The following SLC26A4 variants were observed in gnomAD, a reference collection of about 807,000 sequenced individuals.
SLC26A4 encodes pendrin.
In SLC26A4, 93 loss-of-function variants were observed where a neutral mutation model predicts 90.4. The observed-to-expected ratio is 1.03, with a 90% CI of 0.87 to 1.22. The LOEUF (loss-of-function observed/expected upper bound fraction) is 1.22. Ranked by LOEUF, SLC26A4 falls within the 50% of genes most tolerant of loss-of-function variation. SLC26A4 has a pLI of 0.00. For synonymous variants in SLC26A4, 393 were observed against 354.6 expected, an observed-to-expected ratio of 1.11 and a Z score of -1.22; for missense variants, 1,127 against 946.2, an observed-to-expected ratio of 1.19 and a Z score of -2.51.
At chr7:107,686,663 A>G (rs149193643) in intron 8 of SLC26A4, among the ~76,000 whole-genome samples, 2 of 151,828 alleles carry the variant, frequency 1.3e-5, no homozygotes, top group Non-Finnish European at 1.5e-5. Context: ...AATTTTTAGT[A>G]GAGACGGGGT....
intron 19 of SLC26A4, among the ~76,000 whole-genome samples, chr7:107,711,555 T>C (rs964752216): frequency 6.6e-6 from 1 of 152,204 alleles, no homozygotes; most frequent in African/African-American, 2.4e-5. Flanking sequence ...ACATACTTAC[T>C]GGTCCACTAA....
At chr7:107,710,251 C>G in intron 19 of SLC26A4, 52 bp downstream of exon 19, 1 of 1,300,046 alleles carries the variant, frequency 7.7e-7, no homozygotes, top group Non-Finnish European at 1.1e-6. Flanking sequence ...ATCATGATTT[C>G]TATAAATGGC....
intron 14 of SLC26A4, among the ~76,000 whole-genome samples, chr7:107,699,245 C>G (rs1365176786): frequency 1.3e-5 from 2 of 152,116 alleles, no homozygotes; most frequent in African/African-American, 2.4e-5. Flanking sequence ...CATTCAGCCT[C>G]TCAGGACCTC....
chr7:107,707,552 C>T (rs1792066601), intron 18 of SLC26A4, among the ~76,000 whole-genome samples: 1 of 152,136 alleles, frequency 6.6e-6, no homozygotes, highest in Non-Finnish European at 1.5e-5. Context: ...ATGTGAGTTA[C>T]CCAATTGACA....
chr7:107,692,569 G>A (rs1297723921), intron 10 of SLC26A4, among the ~76,000 whole-genome samples: 1 of 152,164 alleles, frequency 6.6e-6, no homozygotes, highest in Non-Finnish European at 1.5e-5. Flanking sequence ...AGAAGCACCT[G>A]GCATATATTT....
chr7:107,681,650 G>A (rs1791232815), intron 6 of SLC26A4, among the ~76,000 whole-genome samples: 1 of 152,148 alleles, frequency 6.6e-6, no homozygotes, highest in Admixed American at 6.6e-5. Context: ...CTACAGGACT[G>A]AAGTTAATAT....
Position 107,674,362 on chromosome 7 carries a change from A to C in SLC26A4, c.600+14A>C. The C allele has an allele frequency of 6.4e-7, 1 of 1,570,842 alleles. No homozygotes were observed. The highest frequency in any genetic ancestry group is 8.8e-7 in the Non-Finnish European group (1 of 1,140,440). On this transcript the variant is annotated intron_variant, in intron 5 of 20. Transcript: ENST00000644269. ...GGAATTATACAGGTAATGAACTTAC[A>C]AGTAAAATATAGATGGATGTAATTT... is the stretch of plus-strand genomic sequence containing the variant.
At chr7:107,663,884 C>T (rs1790642257) in intron 3 of SLC26A4, among the ~76,000 whole-genome samples, 1 of 152,076 alleles carries the variant, frequency 6.6e-6, no homozygotes, top group Non-Finnish European at 1.5e-5. Flanking sequence ...GGGGTTTCAC[C>T]GGGTTAGCCA....
At chr7:107,706,795 G>C (rs112467303) in intron 18 of SLC26A4, among the ~76,000 whole-genome samples, 3,744 of 152,196 alleles carry the variant, frequency 0.025, 148 homozygotes, top group African/African-American at 0.085. Flanking sequence ...ATAAAAATAA[G>C]AATACTCACA....
intron 8 of SLC26A4, among the ~76,000 whole-genome samples, chr7:107,686,363 CCTCCCT>C (rs1474830484): frequency 5.5e-5 from 8 of 145,898 alleles, no homozygotes; most frequent in East Asian, 2.1e-4. Flanking sequence ...TCCTACCTTC[CCTCCCT>C]TTCCTCCCCT....
intron 14 of SLC26A4, among the ~76,000 whole-genome samples, chr7:107,699,134 T>A (rs187461825): frequency 6.6e-6 from 1 of 152,306 alleles, no homozygotes; most frequent in African/African-American, 2.4e-5. Flanking sequence ...CATTAAGAGC[T>A]AAAATGATTT....
At chr7:107,662,052 G>A (rs990658189) in intron 2 of SLC26A4, 8 of 566,844 alleles carry the variant, frequency 1.4e-5, no homozygotes, top group African/African-American at 9.7e-5. Context: ...GGGAGAGTGG[G>A]TTCTAGGAGC....
chr7:107,677,609 T>G, intron 6 of SLC26A4, among the ~76,000 whole-genome samples: 1 of 127,066 alleles, frequency 7.9e-6, no homozygotes, highest in East Asian at 2.0e-4. Flanking sequence ...TAAAAAAGAA[T>G]TTTTTTTTTT....
At chr7:107,714,050 T>A (rs1365303532) in intron 20 of SLC26A4, among the ~76,000 whole-genome samples, 1 of 151,482 alleles carries the variant, frequency 6.6e-6, no homozygotes, top group Non-Finnish European at 1.5e-5. Flanking sequence ...TCCCAAGTAG[T>A]TGGGATTACA....
Position 107,663,324 on chromosome 7 carries a change from C to G in SLC26A4, c.193C>G (p.Leu65Val). The change falls in exon 3 of 21, where the codon CTA becomes GTA. Residue 65 changes from leucine to valine, a missense_variant. Leu to Val is a conservative substitution (Grantham distance 32, BLOSUM62 1). Transcript: ENST00000644269. ...TTCAAGAAAGAGAGCCTTTGGTGTG[C>G]TAAAGACTCTTGTGCCCATCTTGGA... Reference protein sequence around the residue: ...SCSRKRAFGVLKTLVPILEWL... With the variant: ...SCSRKRAFGVVKTLVPILEWL... 1 of 1,614,214 alleles carries G rather than the reference C, an allele frequency of 6.2e-7. No individual in the cohort carries two copies.
Position 107,695,969 on chromosome 7 carries a change from C to T in SLC26A4, c.1474C>T (p.Leu492=), listed in dbSNP as rs755163815. ...GTTTACGTGTATAGTGTCCATCATT[C>T]TGGGGCTGGATCTCGGTTTACTAGC... ...WVFTCIVSII[L]GLDLGLLAGL... is the part of the protein sequence containing the mutation. Residue 492 remains leucine, a synonymous_variant, in exon 13 of 21, where the codon CTG becomes TTG. Transcript: ENST00000644269. 2.5e-6 allele frequency: 4 copies of T among 1,612,004 alleles called. No individual in the cohort carries two copies. The highest frequency in any genetic ancestry group is 3.4e-6 in the Non-Finnish European group (4 of 1,178,250).
At chr7:107,696,437 T>G (rs73421452) in intron 13 of SLC26A4, among the ~76,000 whole-genome samples, 4,202 of 152,298 alleles carry the variant, frequency 0.028, 81 homozygotes, top group African/African-American at 0.037. Context: ...AGTTTCTTCT[T>G]TAAATGAGAT....
At chr7:107,704,013 T>C (rs937958073) in intron 17 of SLC26A4, among the ~76,000 whole-genome samples, 1 of 152,170 alleles carries the variant, frequency 6.6e-6, no homozygotes, top group East Asian at 1.9e-4. Flanking sequence ...GCCACACCCA[T>C]ATCTCTTCTC....
chr7:107,679,270 A>C (rs1791110096), intron 6 of SLC26A4, among the ~76,000 whole-genome samples: 1 of 152,154 alleles, frequency 6.6e-6, no homozygotes, highest in Non-Finnish European at 1.5e-5. Flanking sequence ...TTTGAAAGCC[A>C]CCACTAAGCT....
Sources: gnomAD v4.1 joint callset for allele counts (sites outside exome capture counted in the v4.1 genomes callset) on GRCh38, gnomAD v4.1.1 for gene constraint, MANE v1.5 for transcripts, NCBI Gene and HGNC (gene_info 2026-07-23, HGNC 2026-07-21) for gene names.